The following TECRL variants were observed in gnomAD, a reference collection of about 807,000 sequenced individuals.
The protein encoded by TECRL is trans-2,3-enoyl-CoA reductase-like.
TECRL carries 63 observed loss-of-function variants against 52.8 expected under a neutral mutation model. The ratio of observed to expected loss-of-function variants is 1.19; its 90% CI spans 0.97 to 1.47. The LOEUF is 1.47. TECRL is among the 40% of genes most tolerant of loss of function. TECRL has a pLI of 0.00. For synonymous variants in TECRL, 164 were observed against 141.9 expected, an observed-to-expected ratio of 1.16 and a Z score of -1.10; for missense variants, 482 against 429.6, an observed-to-expected ratio of 1.12 and a Z score of -1.08.
intron 2 of TECRL, among the ~76,000 whole-genome samples, chr4:64,349,077 A>AAT (rs1211120540): frequency 2.0e-5 from 3 of 149,054 alleles, no homozygotes; most frequent in South Asian, 2.1e-4. Flanking sequence ...AAAAAAAAAA[A>AAT]AACCTAAAAT....
downstream of TECRL, chr4:64,277,599 G>A (rs1370942610): frequency 6.6e-6 from 1 of 151,812 alleles, no homozygotes; most frequent in Non-Finnish European, 1.5e-5. Context: ...CCTACCCAGT[G>A]TATATAGACC....
intron 1 of TECRL, among the ~76,000 whole-genome samples, chr4:64,380,397 G>A (rs1722699741): frequency 6.6e-6 from 1 of 152,006 alleles, no homozygotes; most frequent in South Asian, 2.1e-4. Context: ...TTATGCAGAA[G>A]CTGATTATTT....
chr4:64,294,229 C>T (rs927180234), intron 8 of TECRL, among the ~76,000 whole-genome samples: 1 of 151,892 alleles, frequency 6.6e-6, no homozygotes, highest in Admixed American at 6.6e-5. Flanking sequence ...TCAAGTGAAC[C>T]ACCTGCCTCA....
intron 1 of TECRL, among the ~76,000 whole-genome samples, chr4:64,385,407 A>G (rs962655590): frequency 2.6e-5 from 4 of 152,190 alleles, no homozygotes; most frequent in Non-Finnish European, 5.9e-5. Context: ...GGCTGCAAAC[A>G]GGCAGCTCTC....
intron 1 of TECRL, among the ~76,000 whole-genome samples, chr4:64,381,630 T>A (rs1722801146): frequency 6.6e-6 from 1 of 152,138 alleles, no homozygotes; most frequent in African/African-American, 2.4e-5. Flanking sequence ...AAATGTTTTA[T>A]CTGTATCTAT....
chr4:64,316,901 A>T (rs1717533538), intron 4 of TECRL, among the ~76,000 whole-genome samples: 1 of 152,204 alleles, frequency 6.6e-6, no homozygotes, highest in South Asian at 2.1e-4. Context: ...TACAAAATTC[A>T]TTGTTTGTAC....
intron 7 of TECRL, among the ~76,000 whole-genome samples, chr4:64,303,160 T>C (rs778460722): frequency 6.6e-6 from 1 of 151,644 alleles, no homozygotes; most frequent in Non-Finnish European, 1.5e-5. Flanking sequence ...GAAAATATTC[T>C]ATTAAAGACT....
At chr4:64,294,748 T>A (rs1323016845) in intron 8 of TECRL, among the ~76,000 whole-genome samples, 1 of 152,104 alleles carries the variant, frequency 6.6e-6, no homozygotes, top group African/African-American at 2.4e-5. Flanking sequence ...GTTATTATTA[T>A]TTTATCTATA....
At chr4:64,342,433 A>ATGTGTGTG (rs144001005) in intron 2 of TECRL, among the ~76,000 whole-genome samples, 25 of 150,096 alleles carry the variant, frequency 1.7e-4, no homozygotes, top group African/African-American at 3.4e-4. Flanking sequence ...ATATATATAT[A>ATGTGTGTG]TGTGTGTGTG....
At chr4:64,386,467 G>A (rs920435806) in intron 1 of TECRL, among the ~76,000 whole-genome samples, 1 of 152,060 alleles carries the variant, frequency 6.6e-6, no homozygotes, top group African/African-American at 2.4e-5. Flanking sequence ...GTGGACCCAT[G>A]CATTTCAAAC....
rs1000977314 is a variant in TECRL, at chr4:64,395,878, A to G, written c.234+13240T>C. On this transcript the variant is annotated intron_variant, in intron 1 of 11. Transcript: ENST00000381210. ...GTCTATTGTTCCCTTTTATGTGTCC[A>G]TATGTAATCAATGTTTAGATCCTAT... Among the ~76,000 whole-genome samples, 18 of 152,080 alleles carry G rather than the reference A, an allele frequency of 1.2e-4. 1 individual carries two copies. Among genetic ancestry groups the G allele is most frequent in the African/African-American group, 4.3e-4 (18 of 41,416 alleles).
At chr4:64,334,364 C>T (rs1718894343) in intron 2 of TECRL, among the ~76,000 whole-genome samples, 1 of 152,124 alleles carries the variant, frequency 6.6e-6, no homozygotes, top group African/African-American at 2.4e-5. Flanking sequence ...CATTTCTTTG[C>T]AGTCTTGTAA....
intron 2 of TECRL, among the ~76,000 whole-genome samples, chr4:64,359,523 A>G (rs1019610286): frequency 6.6e-6 from 1 of 152,070 alleles, no homozygotes; most frequent in African/African-American, 2.4e-5. Context: ...ATTAAAAAAA[A>G]AAGTCCATAA....
intron 8 of TECRL, chr4:64,299,241 A>G (rs1577827081): frequency 6.6e-6 from 1 of 151,150 alleles, no homozygotes; most frequent in South Asian, 2.1e-4. Context: ...GTGGCAGGTG[A>G]TTTATGACCT....
Position 64,314,633 on chromosome 4 carries a change from G to T in TECRL, c.551+15C>A. On this transcript the variant is annotated intron_variant, in intron 5 of 11. Coordinates refer to ENST00000381210, the MANE Select transcript of TECRL (RefSeq NM_001010874.5). ...TGTGTGTGTGTGTGTGTGTGTGTGT[G>T]TGTGTATCACTTACTGTACCACTGG... 1 of 774,978 alleles carries T rather than the reference G, an allele frequency of 1.3e-6. No individual in the cohort carries two copies. Among genetic ancestry groups the T allele is most frequent in the Non-Finnish European group, 2.1e-6 (1 of 472,724 alleles). 48.0% of individuals were successfully genotyped at this position (774,978 alleles called of 1,614,324 possible).
chr4:64,288,986 A>G (rs897517579), intron 9 of TECRL, among the ~76,000 whole-genome samples: 4 of 152,152 alleles, frequency 2.6e-5, no homozygotes, highest in African/African-American at 9.7e-5. Context: ...AAGCATCTGG[A>G]CAACGTTTTG....
chr4:64,338,757 G>A (rs2110067921), intron 2 of TECRL, among the ~76,000 whole-genome samples: 1 of 152,268 alleles, frequency 6.6e-6, no homozygotes. Context: ...CAGTTAGAAT[G>A]GAGATCATTA....
chr4:64,346,078 T>G (rs1719961824), intron 2 of TECRL, among the ~76,000 whole-genome samples: 1 of 151,936 alleles, frequency 6.6e-6, no homozygotes, highest in South Asian at 2.1e-4. Flanking sequence ...CCAGACAAAT[T>G]TACTCTTTAA....
At chr4:64,383,316 T>C (rs1254657596) in intron 1 of TECRL, among the ~76,000 whole-genome samples, 1 of 152,182 alleles carries the variant, frequency 6.6e-6, no homozygotes, top group Non-Finnish European at 1.5e-5. Flanking sequence ...TCTTGCAAGA[T>C]GGGAAATTTC....
Sources: allele counts gnomAD v4.1 joint callset (sites outside exome capture counted in the v4.1 genomes callset), GRCh38; gene constraint gnomAD v4.1.1; transcripts MANE v1.5; gene names NCBI Gene and HGNC (gene_info 2026-07-23, HGNC 2026-07-21).